RUNX2: variants seen among roughly 807,000 people sequenced by gnomAD.
The protein encoded by RUNX2 is runt-related transcription factor 2.
Under a neutral mutation model 51.7 loss-of-function variants are expected in RUNX2, and 10 were observed. That is an observed-to-expected ratio of 0.19 (90% confidence interval 0.12 to 0.33). RUNX2 has a LOEUF of 0.33. Among genes scored for constraint, RUNX2 ranks in the 10% least tolerant of loss-of-function variants. The pLI, the probability that RUNX2 is intolerant of heterozygous loss-of-function variation, is 1.00. For missense variants in RUNX2, 562 were observed against 691.3 expected (o/e 0.81, Z 2.10); for synonymous variants, 276 against 273.6 (o/e 1.01, Z -0.09).
chr6:45,465,230 C>G lies in RUNX2; in HGVS notation c.686-26711C>G, dbSNP rs1582139991. ...CATTCCATAGATACTCTGAAAACTC[C>G]AAGTTCCTGTTATAATCCCAGAGGA... On this transcript the variant is annotated intron_variant, in intron 5 of 8. Transcript: ENST00000647337. Among the ~76,000 whole-genome samples, 2 of 152,258 alleles carry G rather than the reference C, an allele frequency of 1.3e-5. 1 individual carries two copies. Among genetic ancestry groups the G allele is most frequent in the East Asian group, 3.9e-4 (2 of 5,176 alleles).
intron 2 of RUNX2, among the ~76,000 whole-genome samples, chr6:45,362,124 A>T (rs1385366421): frequency 2.0e-5 from 3 of 152,210 alleles, no homozygotes; most frequent in Admixed American, 6.5e-5. Flanking sequence ...CACCACCCAA[A>T]TTCAAAATAT....
At chr6:45,545,356 T>G (rs1164978407) in intron 8 of RUNX2, 74 bp downstream of exon 8, 1 of 1,478,312 alleles carries the variant, frequency 6.8e-7, no homozygotes, top group African/African-American at 1.4e-5. Flanking sequence ...CTGTCCGATT[T>G]GTGAGTTTTG....
intron 2 of RUNX2, among the ~76,000 whole-genome samples, chr6:45,379,505 T>C (rs537367719): frequency 4.6e-5 from 7 of 152,332 alleles, no homozygotes; most frequent in African/African-American, 1.7e-4. Context: ...TGAGTACCTG[T>C]TTGATCCAGT....
At chr6:45,377,920 G>C (rs1797050861) in intron 2 of RUNX2, 1 of 152,426 alleles carries the variant, frequency 6.6e-6, no homozygotes, top group Admixed American at 6.6e-5. Context: ...AAGGGAAAAG[G>C]TGACTCGGCT....
chr6:45,526,426 G>C (rs1011709500), intron 7 of RUNX2, among the ~76,000 whole-genome samples: 4 of 152,184 alleles, frequency 2.6e-5, no homozygotes, highest in African/African-American at 4.8e-5. Context: ...AACCTTATAA[G>C]CTAAGAGTTA....
intron 2 of RUNX2, among the ~76,000 whole-genome samples, chr6:45,344,542 TATCA>T (rs945209427): frequency 6.6e-6 from 1 of 152,088 alleles, no homozygotes; most frequent in African/African-American, 2.4e-5. Flanking sequence ...ACAGTAACAT[TATCA>T]ATTAAGTACT....
chr6:45,422,805 C>A lies in RUNX2; in HGVS notation c.271C>A (p.Pro91Thr). ...GGCTGCGGCGGCGGCAGCTGCAGTG[C>A]CCCGGTTGCGGCCGCCCCACGACAA... is the stretch of plus-strand genomic sequence containing the variant. Reference protein sequence around the residue: ...AAAAAAAAAVPRLRPPHDNRT... With the variant: ...AAAAAAAAAVTRLRPPHDNRT... The change falls in exon 3 of 9, where the codon CCC (proline) becomes ACC (threonine). Residue 91 changes from proline (P) to threonine (T), a missense_variant. Transcript: ENST00000647337. The A allele has an allele frequency of 1.3e-6, 2 of 1,582,768 alleles. No homozygotes were observed. The highest frequency in any genetic ancestry group is 1.1e-5 in the South Asian group (1 of 87,460).
chr6:45,492,169 G>T (rs1186940100), intron 6 of RUNX2, 55 bp downstream of exon 6: 1 of 1,570,668 alleles, frequency 6.4e-7, no homozygotes, highest in African/African-American at 1.4e-5. Flanking sequence ...TGGGGGTGAG[G>T]GGCTACCAGA....
rs1389655363 is a variant in RUNX2 at position 45,485,695 on chromosome 6, G to GTATATA, written c.686-6245_686-6244insATATAT. On this transcript the variant is annotated intron_variant, in intron 5 of 8. Coordinates refer to ENST00000647337, the MANE Select transcript of RUNX2 (RefSeq NM_001024630.4). ...TGTATGTGTGTGTGTGTGTGTGTGT[G>GTATATA]TGTATATATATATATATATATACAC... Among the ~76,000 whole-genome samples, 191 of 107,162 alleles carry GTATATA rather than the reference G, an allele frequency of 1.8e-3. 2 individuals are homozygous for GTATATA. The highest frequency in any genetic ancestry group is 5.8e-3 in the African/African-American group (165 of 28,284). 70.3% of individuals were successfully genotyped at this position (107,162 alleles called of 152,430 possible).
chr6:45,415,578 T>C (rs1798051680), intron 2 of RUNX2, among the ~76,000 whole-genome samples: 1 of 152,180 alleles, frequency 6.6e-6, no homozygotes, highest in Admixed American at 6.5e-5. Context: ...AGCCTGGCAC[T>C]GGAAAAGCTA....
chr6:45,380,363 A>C (rs1446004257), intron 2 of RUNX2, among the ~76,000 whole-genome samples: 1 of 152,240 alleles, frequency 6.6e-6, no homozygotes, highest in African/African-American at 2.4e-5. Flanking sequence ...AAAATTGTTA[A>C]AGAAAAATGA....
At chr6:45,447,661 T>C (rs1343634317) in intron 5 of RUNX2, among the ~76,000 whole-genome samples, 2 of 152,236 alleles carry the variant, frequency 1.3e-5, no homozygotes, top group Non-Finnish European at 2.9e-5. Context: ...TTATATTTCC[T>C]GGATTAGTCA....
At chr6:45,459,044 A>G (rs1438410391) in intron 5 of RUNX2, among the ~76,000 whole-genome samples, 1 of 152,180 alleles carries the variant, frequency 6.6e-6, no homozygotes, top group African/African-American at 2.4e-5. Context: ...TGTATGTGAC[A>G]TTAAGCAGCC....
chr6:45,513,890 G>A (rs982933930), intron 7 of RUNX2, among the ~76,000 whole-genome samples: 1 of 152,196 alleles, frequency 6.6e-6, no homozygotes, highest in Admixed American at 6.5e-5. Flanking sequence ...TGGGGATAAC[G>A]AAGGCTGATG....
intron 5 of RUNX2, among the ~76,000 whole-genome samples, chr6:45,464,206 A>G (rs1799561908): frequency 6.7e-6 from 1 of 149,808 alleles, no homozygotes. Context: ...AAAAAAAAAA[A>G]TGTTTACAAC....
rs549482517 is a variant in RUNX2, at chr6:45,382,193, G to T, written c.59-40400G>T. Among the ~76,000 whole-genome samples the T allele has an allele frequency of 3.3e-5, 5 of 152,290 alleles. No individual in the cohort carries two copies. The East Asian group carries it at 9.6e-4, about 29-fold the overall frequency. On this transcript the variant is annotated intron_variant, in intron 2 of 8. Coordinates refer to ENST00000647337, the MANE Select transcript of RUNX2 (RefSeq NM_001024630.4). The stretch of plus-strand genomic sequence containing the variant: ...AACAACTTCTACATTTCAACGGATT[G>T]TTGTAGGCCTACCATGTACCTGACA...
intron 5 of RUNX2, among the ~76,000 whole-genome samples, chr6:45,464,960 A>C (rs982032215): frequency 1.3e-5 from 2 of 152,208 alleles, no homozygotes; most frequent in African/African-American, 4.8e-5. Flanking sequence ...AAACACAAGG[A>C]AACTCTGGGA....
chr6:45,505,360 C>CTT lies in RUNX2; in HGVS notation c.860-6871_860-6870dup, dbSNP rs1203690597. ...GAGTCAGTTCATTTTCCTGGGATGC[C>CTT]TTTTTTTTTTTTTTTTCTTTTCTGC... On this transcript the variant is annotated intron_variant, in intron 6 of 8. Coordinates refer to ENST00000647337, the MANE Select transcript of RUNX2 (RefSeq NM_001024630.4). Among the ~76,000 whole-genome samples the CTT allele has an allele frequency of 1.0e-4, 14 of 139,912 alleles. No homozygotes were observed. In the East Asian group the frequency reaches 1.4e-3, roughly 14 times the overall value. 91.8% of individuals were successfully genotyped at this position (139,912 alleles called of 152,430 possible). A position where few individuals can be genotyped will look rare whatever the true frequency, so the allele number is the denominator to read the frequency against.
intron 6 of RUNX2, among the ~76,000 whole-genome samples, chr6:45,493,573 T>A (rs1800551032): frequency 6.6e-6 from 1 of 151,978 alleles, no homozygotes; most frequent in South Asian, 2.1e-4. Flanking sequence ...GGGTTATGGG[T>A]GCACTAAAAG....
Sources: gnomAD v4.1 joint callset for allele counts (sites outside exome capture counted in the v4.1 genomes callset) on GRCh38, gnomAD v4.1.1 for gene constraint, MANE v1.5 for transcripts, NCBI Gene and HGNC (gene_info 2026-07-23, HGNC 2026-07-21) for gene names.